KCNMA1: variants seen among roughly 807,000 people sequenced by gnomAD.
KCNMA1 encodes potassium calcium-activated channel subfamily M alpha 1, also known as Calcium-activated potassium channel subunit alpha-1.
In KCNMA1, 29 loss-of-function variants were observed where a neutral mutation model predicts 140.0. That is an observed-to-expected ratio of 0.21 (90% CI 0.15 to 0.28). KCNMA1 has a LOEUF of 0.28. KCNMA1 is among the 10% of genes least tolerant of loss of function. The pLI is 1.00. For missense variants in KCNMA1, 880 were observed against 1,602.2 expected, an observed-to-expected ratio of 0.55 and a Z score of 7.70; for synonymous variants, 612 against 611.9, an observed-to-expected ratio of 1.00 and a Z score of 0.00.
chr10:77,316,929 T>G (rs1234750391), intron 2 of KCNMA1, among the ~76,000 whole-genome samples: 1 of 152,194 alleles, frequency 6.6e-6, no homozygotes, highest in Non-Finnish European at 1.5e-5. Flanking sequence ...GCTCTAGCCC[T>G]GCGACCCTGA....
At chr10:77,539,443 T>A (rs1436766715) in intron 1 of KCNMA1, among the ~76,000 whole-genome samples, 2 of 152,182 alleles carry the variant, frequency 1.3e-5, no homozygotes, top group Non-Finnish European at 2.9e-5. Context: ...GATACCCAGA[T>A]AATGGAGCAT....
intron 1 of KCNMA1, among the ~76,000 whole-genome samples, chr10:77,457,093 G>C (rs1010579992): frequency 2.0e-5 from 3 of 152,044 alleles, no homozygotes; most frequent in African/African-American, 7.2e-5. Flanking sequence ...TTCCTAGAAG[G>C]GCAAGGACCC....
intron 26 of KCNMA1, among the ~76,000 whole-genome samples, chr10:76,891,047 C>A (rs1470035373): frequency 6.6e-6 from 1 of 152,202 alleles, no homozygotes; most frequent in Non-Finnish European, 1.5e-5. Context: ...AGGCTGGCCA[C>A]CTCCATGTGC....
intron 18 of KCNMA1, among the ~76,000 whole-genome samples, chr10:77,008,606 GT>G (rs1237287576): frequency 6.6e-6 from 1 of 152,208 alleles, no homozygotes; most frequent in Non-Finnish European, 1.5e-5. Context: ...AATGTTGAAG[GT>G]TACTGAATGA....
intron 2 of KCNMA1, among the ~76,000 whole-genome samples, chr10:77,322,113 T>G (rs951226813): frequency 6.6e-6 from 1 of 152,138 alleles, no homozygotes; most frequent in African/African-American, 2.4e-5. Context: ...GTCTACAATC[T>G]CAATGCATGG....
chr10:77,023,914 C>T (rs1290712782), intron 16 of KCNMA1, among the ~76,000 whole-genome samples: 1 of 152,196 alleles, frequency 6.6e-6, no homozygotes, highest in Non-Finnish European at 1.5e-5. Flanking sequence ...ATAAAGATTG[C>T]TCCCAGTTGG....
At chr10:77,209,118 G>A (rs932149645) in intron 3 of KCNMA1, among the ~76,000 whole-genome samples, 6 of 152,146 alleles carry the variant, frequency 3.9e-5, no homozygotes, top group Non-Finnish European at 5.9e-5. Context: ...CTCTCTAGAA[G>A]CTCTGGGTTA....
At chr10:77,498,632 AG>A (rs1407005362) in intron 1 of KCNMA1, 2 of 152,220 alleles carry the variant, frequency 1.3e-5, no homozygotes, top group African/African-American at 2.4e-5. Context: ...CCAGTGCTCT[AG>A]TGCAAGATCC....
At chr10:77,000,857 A>AATTATATATATATATAT in intron 19 of KCNMA1, among the ~76,000 whole-genome samples, 1 of 36,662 alleles carries the variant, frequency 2.7e-5, no homozygotes, top group Non-Finnish European at 5.6e-5. Flanking sequence ...GTAAAAAGAA[A>AATTATATATATATATAT]ATATATATAT....
At chr10:77,180,643 C>CTAT (rs1280481326) in intron 5 of KCNMA1, among the ~76,000 whole-genome samples, 1 of 152,144 alleles carries the variant, frequency 6.6e-6, no homozygotes, top group East Asian at 1.9e-4. Context: ...CCCAACACTG[C>CTAT]AGTATAGGAG....
chr10:77,210,134 T>G (rs2395460), intron 3 of KCNMA1, among the ~76,000 whole-genome samples: 24,337 of 151,986 alleles, frequency 0.16, 2,421 homozygotes, highest in Non-Finnish European at 0.21. Context: ...TAGGCCAATA[T>G]CCCTGATGAA....
chr10:76,992,093 C>A (rs2082934353), intron 19 of KCNMA1, among the ~76,000 whole-genome samples: 1 of 152,180 alleles, frequency 6.6e-6, no homozygotes, highest in African/African-American at 2.4e-5. Flanking sequence ...TGGGACTCAT[C>A]TTGCGGTATT....
At chr10:77,316,654 A>C (rs569872392) in intron 2 of KCNMA1, among the ~76,000 whole-genome samples, 2 of 152,154 alleles carry the variant, frequency 1.3e-5, no homozygotes, top group Non-Finnish European at 2.9e-5. Flanking sequence ...CTGGCTATCT[A>C]TGCTGGAACC....
intron 1 of KCNMA1, among the ~76,000 whole-genome samples, chr10:77,621,730 C>A (rs577822769): frequency 4.1e-4 from 62 of 152,194 alleles, no homozygotes; most frequent in Middle Eastern, 6.8e-3. Flanking sequence ...GAGTTAGAGA[C>A]CAGCCTGGGC....
intron 5 of KCNMA1, among the ~76,000 whole-genome samples, chr10:77,164,757 G>A (rs1455144709): frequency 6.6e-6 from 1 of 152,116 alleles, no homozygotes; most frequent in African/African-American, 2.4e-5. Context: ...TCCTTCACCA[G>A]CCACAGCTAC....
intron 17 of KCNMA1, among the ~76,000 whole-genome samples, chr10:77,017,895 T>G (rs1184714804): frequency 6.6e-6 from 1 of 152,186 alleles, no homozygotes; most frequent in Non-Finnish European, 1.5e-5. Context: ...TAACAAGTTT[T>G]AGATACAGAG....
intron 1 of KCNMA1, among the ~76,000 whole-genome samples, chr10:77,590,711 G>A (rs1288177956): frequency 2.0e-5 from 3 of 152,202 alleles, no homozygotes; most frequent in South Asian, 2.1e-4. Flanking sequence ...CGCCCAGAGC[G>A]AGCGAGGGCT....
intron 2 of KCNMA1, among the ~76,000 whole-genome samples, chr10:77,329,383 T>G (rs185460332): frequency 2.4e-4 from 37 of 152,322 alleles, no homozygotes; most frequent in African/African-American, 8.7e-4. Flanking sequence ...GGATCTCTCA[T>G]GAATGAGACT....
chr10:77,587,828 G>A (rs1005984955), intron 1 of KCNMA1: 2 of 985,310 alleles, frequency 2.0e-6, no homozygotes, highest in Middle Eastern at 5.2e-4. Context: ...TTATCTCACC[G>A]ACAGATCATC....
Sources: gnomAD v4.1 joint callset for allele counts (sites outside exome capture counted in the v4.1 genomes callset) on GRCh38, gnomAD v4.1.1 for gene constraint, MANE v1.5 for transcripts, NCBI Gene and HGNC (gene_info 2026-07-23, HGNC 2026-07-21) for gene names.